Variants in ACADSB observed in about 807,000 individuals in gnomAD.
The protein encoded by ACADSB is short/branched chain specific acyl-CoA dehydrogenase, mitochondrial.
Under a neutral mutation model 54.1 loss-of-function variants are expected in ACADSB, and 40 were observed. The ratio of observed to expected loss-of-function variants is 0.74; its 90% CI spans 0.57 to 0.96. The LOEUF (loss-of-function observed/expected upper bound fraction) is 0.96, where lower values mean the gene tolerates loss of function less well. ACADSB is among the 40% of genes least tolerant of loss of function. ACADSB has a pLI of 0.00. For missense variants in ACADSB, 530 were observed against 510.4 expected (o/e 1.04, Z -0.37); for synonymous variants, 182 against 182.8 (o/e 1.00, Z 0.03).
At chr10:123,046,180 G>GT (rs1450548686) in intron 7 of ACADSB, among the ~76,000 whole-genome samples, 4 of 152,140 alleles carry the variant, frequency 2.6e-5, no homozygotes, top group African/African-American at 9.7e-5. Context: ...GGGGTTTGTG[G>GT]TTTTCTTGTG....
intron 5 of ACADSB, among the ~76,000 whole-genome samples, chr10:123,042,097 A>G (rs1282391600): frequency 6.6e-6 from 1 of 150,768 alleles, no homozygotes; most frequent in Non-Finnish European, 1.5e-5. Context: ...TCCCAAGTAT[A>G]TGAGACTACA....
chr10:123,051,000 C>G (rs1850623847), intron 8 of ACADSB, 49 bp from the exon 9 acceptor site: 3 of 1,599,024 alleles, frequency 1.9e-6, no homozygotes, highest in Non-Finnish European at 2.6e-6. Flanking sequence ...GGTTGAGGTG[C>G]TTGCTTTTTT....
chr10:123,047,385 TC>T, intron 8 of ACADSB, 87 bp downstream of exon 8: 1 of 973,970 alleles, frequency 1.0e-6, no homozygotes, highest in Non-Finnish European at 1.7e-6. Context: ...ATGGAGGGAA[TC>T]CCTTCAGGGG....
chr10:123,015,244 A>T (rs1227543732), intron 1 of ACADSB, among the ~76,000 whole-genome samples: 1 of 152,238 alleles, frequency 6.6e-6, no homozygotes, highest in Non-Finnish European at 1.5e-5. Context: ...CTCTGGTGCT[A>T]GGAAGACTAA....
chr10:123,054,460 G>A lies in ACADSB; in HGVS notation c.*695G>A, dbSNP rs1850678874. On this transcript the variant is annotated 3_prime_UTR_variant, in exon 11 of 11. Transcript: ENST00000358776. ...TAAATCTTAATCTTGTGGCATCAGG[G>A]AAATATTTGTTACATAGTAGGCAAT... 6.6e-6 allele frequency: 1 copy of A among 152,114 alleles called. No homozygotes were observed. The highest frequency in any genetic ancestry group is 1.5e-5 in the Non-Finnish European group (1 of 68,008). 9.4% of individuals were successfully genotyped at this position (152,114 alleles called of 1,614,324 possible). A position where few individuals can be genotyped will look rare whatever the true frequency, so the allele number is the denominator to read the frequency against.
chr10:123,020,643 C>T (rs1011611861), intron 1 of ACADSB, among the ~76,000 whole-genome samples: 5 of 152,168 alleles, frequency 3.3e-5, no homozygotes, highest in African/African-American at 1.2e-4. Flanking sequence ...GCATAAGAAA[C>T]AGCTAAACTG....
At chr10:123,051,791 C>T (rs1184549559) in intron 9 of ACADSB, among the ~76,000 whole-genome samples, 1 of 152,192 alleles carries the variant, frequency 6.6e-6, no homozygotes, top group African/African-American at 2.4e-5. Context: ...CATTTAACCT[C>T]TCCAGCCCAT....
At chr10:123,045,157 ATATATATATATATATTTTTTTT>A (rs1850540440) in intron 7 of ACADSB, among the ~76,000 whole-genome samples, 1 of 12,696 alleles carries the variant, frequency 7.9e-5, no homozygotes, top group African/African-American at 4.1e-4. Flanking sequence ...ATATATATAT[ATATATATATATATATTTTTTTT>A]TTTTTTTTTT....
chr10:123,014,478 G>T (rs1424277277), intron 1 of ACADSB, among the ~76,000 whole-genome samples: 2 of 152,212 alleles, frequency 1.3e-5, no homozygotes, highest in Non-Finnish European at 2.9e-5. Flanking sequence ...GGGATTGCAG[G>T]CATGAGCCAC....
intron 9 of ACADSB, among the ~76,000 whole-genome samples, chr10:123,051,473 C>A (rs1898461): frequency 3.3e-5 from 5 of 152,018 alleles, no homozygotes; most frequent in African/African-American, 1.2e-4. Context: ...GTGAGGTCTC[C>A]ATGTTTCGTG....
At position 123,040,565 on chromosome 10, in the gene ACADSB, G is replaced by C; in HGVS notation, c.403G>C (p.Val135Leu). The C allele has an allele frequency of 3.1e-6, 5 of 1,613,872 alleles. No individual in the cohort carries two copies. Among genetic ancestry groups the C allele is most frequent in the Non-Finnish European group, 4.2e-6 (5 of 1,179,782 alleles). Residue 135 changes from valine (V) to leucine (L), a missense_variant, in exon 4 of 11, where the codon GTG (valine) becomes CTG (leucine). Coordinates refer to ENST00000358776, the MANE Select transcript of ACADSB (RefSeq NM_001609.4). ...GGAATTAGCCAAAGTTGATGCATCT[G>C]TGGCTGTCTTTTGTGAGATCCAGAA... ...IEELAKVDAS[V>L]AVFCEIQNTL...
Position 123,054,678 on chromosome 10 carries a change from T to C in ACADSB, c.*913T>C, listed in dbSNP as rs1215504104. ...TGTAAAGCAATATGATTTGTTACTA[T>C]AATTAACCTGTATAAAAGATACATT... On this transcript the variant is annotated 3_prime_UTR_variant, in exon 11 of 11. Transcript: ENST00000358776. 6.6e-6 allele frequency: 1 copy of C among 152,230 alleles called. No individual in the cohort carries two copies. Among genetic ancestry groups the C allele is most frequent in the Non-Finnish European group, 1.5e-5 (1 of 68,028 alleles). 9.4% of individuals were successfully genotyped at this position (152,230 alleles called of 1,614,324 possible).
In ACADSB at chr10:123,040,332, C is replaced by T. The variant is rs138553161; in HGVS notation, c.304-134C>T. ...CGCCATTGCACTCCAGCCTGGGAGA[C>T]GGAGCAAGACTGTCTCAAAAAAAAA... On this transcript the variant is annotated intron_variant, in intron 3 of 10. Coordinates refer to ENST00000358776, the MANE Select transcript of ACADSB (RefSeq NM_001609.4). 3.0e-3 allele frequency: 2,401 copies of T among 798,650 alleles called. 38 individuals are homozygous for T. The African/African-American group carries it at 0.039, about 13-fold the overall frequency. 49.5% of individuals were successfully genotyped at this position (798,650 alleles called of 1,614,324 possible). A position where few individuals can be genotyped will look rare whatever the true frequency, so the allele number is the denominator to read the frequency against.
At chr10:123,032,583 C>CTTTTTT (rs889911796) in intron 1 of ACADSB, among the ~76,000 whole-genome samples, 16 of 106,928 alleles carry the variant, frequency 1.5e-4, no homozygotes, top group South Asian at 3.0e-4. Context: ...AATTTCCATT[C>CTTTTTT]TTTTTTTTTT....
chr10:123,049,229 C>T (rs924668371), intron 8 of ACADSB, among the ~76,000 whole-genome samples: 1 of 152,220 alleles, frequency 6.6e-6, no homozygotes, highest in African/African-American at 2.4e-5. Context: ...GCTTTGCATG[C>T]ATTCGTTCAT....
chr10:123,020,297 G>T (rs1031668341), intron 1 of ACADSB, among the ~76,000 whole-genome samples: 1 of 151,920 alleles, frequency 6.6e-6, no homozygotes, highest in Non-Finnish European at 1.5e-5. Context: ...CCCAGGAGGG[G>T]GAATTTCTAA....
chr10:123,036,730 C>T (rs1191993109), intron 2 of ACADSB, among the ~76,000 whole-genome samples: 2 of 152,098 alleles, frequency 1.3e-5, no homozygotes, highest in Admixed American at 6.6e-5. Flanking sequence ...CTTTGCTAGG[C>T]GTGGCAGAAG....
In ACADSB at chr10:123,053,782, A is replaced by AC. The variant is rs1276292922; in HGVS notation, c.*21dup. 1.9e-6 allele frequency: 3 copies of AC among 1,606,450 alleles called. No individual in the cohort carries two copies. Among genetic ancestry groups the AC allele is most frequent in the Non-Finnish European group, 2.6e-6 (3 of 1,173,056 alleles). ...GAATACTGACGTCTATAGGAGTGGGACCCCTCCCTGGTGTCACTGCTGTAA... is the reference window on the plus strand; with the variant it reads ...GAATACTGACGTCTATAGGAGTGGGACCCCCTCCCTGGTGTCACTGCTGTAA... On this transcript the variant is annotated 3_prime_UTR_variant, in exon 11 of 11. Coordinates refer to ENST00000358776, the MANE Select transcript of ACADSB (RefSeq NM_001609.4).
intron 1 of ACADSB, among the ~76,000 whole-genome samples, chr10:123,022,138 C>A (rs1047489903): frequency 2.6e-5 from 4 of 152,190 alleles, no homozygotes; most frequent in African/African-American, 9.7e-5. Flanking sequence ...AAAACAAATT[C>A]TTTTAAATCT....
Sources: gnomAD v4.1 joint callset for allele counts (sites outside exome capture counted in the v4.1 genomes callset) on GRCh38, gnomAD v4.1.1 for gene constraint, MANE v1.5 for transcripts, NCBI Gene and HGNC (gene_info 2026-07-23, HGNC 2026-07-21) for gene names.